The following MTCH2 variants were observed in gnomAD, a reference collection of about 807,000 sequenced individuals.
The protein encoded by MTCH2 is mitochondrial carrier homolog 2.
A neutral mutation model predicts 50.6 loss-of-function variants in MTCH2; 25 were observed. That is an observed-to-expected ratio of 0.49 (90% CI 0.36 to 0.69). MTCH2 has a LOEUF of 0.69. Among genes scored for constraint, MTCH2 ranks in the 30% least tolerant of loss-of-function variants. The pLI is 0.00. For missense variants in MTCH2, 273 were observed against 384.4 expected (o/e 0.71, Z 2.42); for synonymous variants, 106 against 132.0 (o/e 0.80, Z 1.35).
downstream of MTCH2, among the ~76,000 whole-genome samples, chr11:47,615,576 G>A (rs2097287899): frequency 1.3e-5 from 2 of 151,740 alleles, no homozygotes; most frequent in Non-Finnish European, 2.9e-5. Flanking sequence ...GGTATGCTGA[G>A]GTAACAGAGA....
the MTCH2 span, among the ~76,000 whole-genome samples, chr11:47,605,056 G>A: frequency 1.3e-5 from 2 of 151,844 alleles, no homozygotes; most frequent in East Asian, 1.9e-4. Context: ...TCAGCCTCCC[G>A]AGTAGCTGGG....
intron 3 of MTCH2, among the ~76,000 whole-genome samples, chr11:47,637,209 CA>C (rs1440598678): frequency 3.9e-5 from 6 of 152,134 alleles, no homozygotes; most frequent in African/African-American, 1.4e-4. Flanking sequence ...AGGCTGGTCT[CA>C]AACTGCTGAC....
chr11:47,622,635 AT>A, intron 12 of MTCH2, 65 bp downstream of exon 12: 2 of 1,300,650 alleles, frequency 1.5e-6, no homozygotes, highest in Non-Finnish European at 2.1e-6. Context: ...CAGAGACAAT[AT>A]TTAAGAAAAC....
At chr11:47,614,860 G>A (rs1481109666), downstream of MTCH2, among the ~76,000 whole-genome samples, 1 of 152,050 alleles carries the variant, frequency 6.6e-6, no homozygotes, top group Non-Finnish European at 1.5e-5. Context: ...TTACAGGCGT[G>A]AGCCACCGCA....
chr11:47,641,236 T>C (rs2097313913), intron 1 of MTCH2, among the ~76,000 whole-genome samples: 1 of 152,204 alleles, frequency 6.6e-6, no homozygotes, highest in Non-Finnish European at 1.5e-5. Flanking sequence ...CCTCCGATGC[T>C]ATCTAGCCCC....
At chr11:47,626,466 G>C (rs998241929) in intron 10 of MTCH2, among the ~76,000 whole-genome samples, 5 of 151,652 alleles carry the variant, frequency 3.3e-5, no homozygotes, top group Non-Finnish European at 1.5e-5. Context: ...GAGCCACCAT[G>C]TCTGGCCTGA....
At chr11:47,621,277 T>C (rs2097292922) in intron 12 of MTCH2, among the ~76,000 whole-genome samples, 1 of 152,188 alleles carries the variant, frequency 6.6e-6, no homozygotes, top group Non-Finnish European at 1.5e-5. Flanking sequence ...ATATCACTAG[T>C]GCTATAAAAT....
Position 47,622,688 on chromosome 11 carries a change from G to T in MTCH2, c.825+13C>A. ...AACAAAATAAAATGAGAGAGACAGA[G>T]AAAAAGAAATACCTCTTTTTGTAGC... On this transcript the variant is annotated intron_variant, in intron 12 of 12. Coordinates refer to ENST00000302503, the MANE Select transcript of MTCH2 (RefSeq NM_014342.4). 1 of 1,375,568 alleles carries T rather than the reference G, an allele frequency of 7.3e-7. No homozygotes were observed. The highest frequency in any genetic ancestry group is 9.5e-7 in the Non-Finnish European group (1 of 1,053,034). 85.2% of individuals were successfully genotyped at this position (1,375,568 alleles called of 1,614,324 possible). A position where few individuals can be genotyped will look rare whatever the true frequency, so the allele number is the denominator to read the frequency against.
At chr11:47,632,007 A>C (rs1157082750) in intron 5 of MTCH2, among the ~76,000 whole-genome samples, 1 of 152,176 alleles carries the variant, frequency 6.6e-6, no homozygotes, top group Non-Finnish European at 1.5e-5. Context: ...AAAAATAAAG[A>C]AACAGGAAAG....
chr11:47,623,374 T>A (rs1315287079), intron 11 of MTCH2, among the ~76,000 whole-genome samples: 212 of 140,876 alleles, frequency 1.5e-3, no homozygotes, highest in Middle Eastern at 0.015. Flanking sequence ...CCAGTCTTTT[T>A]TTAAAAAAAA....
At chr11:47,613,344 T>C (rs144907058), downstream of MTCH2, among the ~76,000 whole-genome samples, 881 of 152,146 alleles carry the variant, frequency 5.8e-3, 10 homozygotes, top group African/African-American at 0.019. Context: ...AAGACAAATA[T>C]CTTTGTATTT....
intron 12 of MTCH2, 98 bp downstream of exon 12, chr11:47,622,603 T>C: frequency 1.1e-6 from 1 of 951,246 alleles, no homozygotes; most frequent in Non-Finnish European, 1.6e-6. Context: ...TAAAGTGAGC[T>C]ACAAGAGTTA....
downstream of MTCH2, among the ~76,000 whole-genome samples, chr11:47,616,689 T>A (rs372411215): frequency 1.3e-5 from 2 of 151,454 alleles, no homozygotes; most frequent in African/African-American, 2.4e-5. Context: ...TTTCTTTTTT[T>A]TTTTTTTAAG....
intron 1 of MTCH2, among the ~76,000 whole-genome samples, chr11:47,640,843 C>T (rs1003779705): frequency 6.7e-6 from 1 of 149,820 alleles, no homozygotes; most frequent in African/African-American, 2.4e-5. Flanking sequence ...GAGCTCTGAA[C>T]ATCATTAGAA....
At chr11:47,628,396 T>C (rs2097299960) in intron 9 of MTCH2, among the ~76,000 whole-genome samples, 1 of 152,150 alleles carries the variant, frequency 6.6e-6, no homozygotes, top group African/African-American at 2.4e-5. Context: ...CAGGGCTAAG[T>C]CTCTTGGGTA....
In MTCH2 at chr11:47,627,357, G is replaced by A. The variant is rs573670538; in HGVS notation, c.634-230C>T. On this transcript the variant is annotated intron_variant, in intron 9 of 12. Transcript: ENST00000302503. ...TTTTTTGAGATAAGGGTCTCCCTAT[G>A]TTTGCCCAGGCTGGTCTCAAACTCC... 4.6e-5 allele frequency among the ~76,000 whole-genome samples: 7 copies of A among 150,664 alleles called. No homozygotes were observed. In the East Asian group the frequency reaches 1.4e-3, roughly 30 times the overall value.
At chr11:47,606,262 G>A in the MTCH2 span, among the ~76,000 whole-genome samples, 1 of 152,158 alleles carries the variant, frequency 6.6e-6, no homozygotes, top group Non-Finnish European at 1.5e-5. Context: ...TTCCTCGGGG[G>A]AGAAAGAGGA....
In MTCH2 at chr11:47,622,784, A is replaced by T. The variant is rs2097294483; in HGVS notation, c.750-8T>A. 2.1e-5 allele frequency: 25 copies of T among 1,192,882 alleles called. No individual in the cohort carries two copies. In the Admixed American group the frequency reaches 6.2e-4, roughly 30 times the overall value. 73.9% of individuals were successfully genotyped at this position (1,192,882 alleles called of 1,614,324 possible). ...GGGCATCCACCAGCAAGACTAAAAT[A>T]GAAAAAAACATGGAGCTATTCATGT... On this transcript the variant is annotated splice_region_variant and splice_polypyrimidine_tract_variant and intron_variant, in intron 11 of 12. Coordinates refer to ENST00000302503, the MANE Select transcript of MTCH2 (RefSeq NM_014342.4).
chr11:47,631,774 G>A, intron 5 of MTCH2, 63 bp from the exon 6 acceptor site: 1 of 1,556,544 alleles, frequency 6.4e-7, no homozygotes, highest in South Asian at 1.1e-5. Flanking sequence ...CCTGTGAGAA[G>A]GAATGTGGGT....
Sources: gnomAD v4.1 joint callset for allele counts (sites outside exome capture counted in the v4.1 genomes callset) on GRCh38, gnomAD v4.1.1 for gene constraint, MANE v1.5 for transcripts, NCBI Gene and HGNC (gene_info 2026-07-23, HGNC 2026-07-21) for gene names.